FMN2: variants seen among roughly 807,000 people sequenced by gnomAD.
FMN2 encodes formin-2.
A neutral mutation model predicts 142.3 loss-of-function variants in FMN2; 51 were observed. The observed-to-expected ratio is 0.36, with a 90% CI of 0.29 to 0.45. FMN2 has a LOEUF of 0.45. FMN2 is among the 20% of genes least tolerant of loss of function. The pLI, the probability that FMN2 is intolerant of heterozygous loss-of-function variation, is 1.00. For synonymous variants in FMN2, 882 were observed against 869.8 expected, an observed-to-expected ratio of 1.01 and a Z score of -0.25; for missense variants, 1,936 against 2,122.8, an observed-to-expected ratio of 0.91 and a Z score of 1.73.
At chr1:240,319,129 C>T (rs1286122221) in intron 8 of FMN2, among the ~76,000 whole-genome samples, 1 of 151,876 alleles carries the variant, frequency 6.6e-6, no homozygotes, top group African/African-American at 2.4e-5. Context: ...TGGATGAAGA[C>T]CTGGCAGTGG....
At chr1:240,199,385 GT>G (rs1666045827) in intron 4 of FMN2, among the ~76,000 whole-genome samples, 1 of 152,080 alleles carries the variant, frequency 6.6e-6, no homozygotes. Flanking sequence ...ACATAATAAA[GT>G]TTCAAAGATG....
chr1:240,180,175 A>G, intron 3 of FMN2: 1 of 1,284,070 alleles, frequency 7.8e-7, no homozygotes, highest in Non-Finnish European at 1.0e-6. Flanking sequence ...GAAGAGGATG[A>G]TGGAGGTAAG....
chr1:240,256,584 CAA>C (rs34087707), intron 6 of FMN2, among the ~76,000 whole-genome samples: 50 of 111,402 alleles, frequency 4.5e-4, no homozygotes, highest in African/African-American at 1.3e-3. Flanking sequence ...ACTAAAAATA[CAA>C]AAAAAAAAAA....
intron 6 of FMN2, among the ~76,000 whole-genome samples, chr1:240,255,313 G>A (rs1416226509): frequency 2.0e-5 from 3 of 152,106 alleles, no homozygotes; most frequent in South Asian, 4.1e-4. Context: ...GTTTGTGGAG[G>A]AGGCGAGTAC....
At chr1:240,430,810 C>T (rs1675143832) in intron 15 of FMN2, among the ~76,000 whole-genome samples, 1 of 151,744 alleles carries the variant, frequency 6.6e-6, no homozygotes, top group Non-Finnish European at 1.5e-5. Context: ...AATCTCCTTC[C>T]AGGTCCTTAT....
intron 14 of FMN2, among the ~76,000 whole-genome samples, chr1:240,359,964 A>G (rs574469836): frequency 2.0e-5 from 3 of 152,304 alleles, no homozygotes; most frequent in African/African-American, 7.2e-5. Context: ...CTTGCTCACC[A>G]GGCATAGGTC....
At chr1:240,262,766 T>TA (rs1354242087) in intron 7 of FMN2, among the ~76,000 whole-genome samples, 3 of 148,670 alleles carry the variant, frequency 2.0e-5, no homozygotes, top group Non-Finnish European at 4.5e-5. Flanking sequence ...TTACTTTTTT[T>TA]TTTTTTTTTT....
At chr1:240,352,587 A>C (rs540018563) in intron 13 of FMN2, among the ~76,000 whole-genome samples, 1 of 152,180 alleles carries the variant, frequency 6.6e-6, no homozygotes, top group African/African-American at 2.4e-5. Context: ...TCTCAAAAAA[A>C]ATTTAAAAAA....
intron 7 of FMN2, among the ~76,000 whole-genome samples, chr1:240,267,305 T>TAA (rs199762417): frequency 1.3e-5 from 2 of 150,224 alleles, no homozygotes; most frequent in African/African-American, 4.9e-5. Flanking sequence ...GATGAAGCCA[T>TAA]AAAAAAAAAT....
intron 14 of FMN2, among the ~76,000 whole-genome samples, chr1:240,375,176 C>A (rs1487028524): frequency 1.3e-5 from 2 of 151,986 alleles, no homozygotes; most frequent in Admixed American, 1.3e-4. Context: ...TGCCCCAGAA[C>A]AATTTTAATA....
chr1:240,126,981 G>C (rs1351455747), intron 2 of FMN2, among the ~76,000 whole-genome samples: 4 of 152,108 alleles, frequency 2.6e-5, no homozygotes, highest in Non-Finnish European at 5.9e-5. Context: ...GGCCATTCCA[G>C]GCAGCTCCCA....
In FMN2 at chr1:240,474,249, A is replaced by C; in HGVS notation, c.*95A>C. 1.7e-6 allele frequency: 2 copies of C among 1,164,174 alleles called. No individual in the cohort carries two copies. The highest frequency in any genetic ancestry group is 2.4e-6 in the Non-Finnish European group (2 of 840,102). The allele number at this position is 1,164,174 out of a possible 1,614,324, so 72.1% of individuals were successfully genotyped here. A position where few individuals can be genotyped will look rare whatever the true frequency, so the allele number is the denominator to read the frequency against. The stretch of plus-strand genomic sequence containing the variant: ...GAGGGAAACTACCGTCATTCTGCTC[A>C]TGTTTCTTCTTGACCTCTTGCATAA... On this transcript the variant is annotated 3_prime_UTR_variant, in exon 18 of 18. Coordinates refer to ENST00000319653, the MANE Select transcript of FMN2 (RefSeq NM_020066.5).
At chr1:240,281,025 G>A (rs775719654) in intron 7 of FMN2, among the ~76,000 whole-genome samples, 1 of 152,006 alleles carries the variant, frequency 6.6e-6, no homozygotes, top group Non-Finnish European at 1.5e-5. Context: ...TAGACAAGAC[G>A]GCGACATACT....
intron 17 of FMN2, among the ~76,000 whole-genome samples, chr1:240,472,761 G>T (rs998084563): frequency 6.6e-6 from 1 of 151,758 alleles, no homozygotes; most frequent in Non-Finnish European, 1.5e-5. Flanking sequence ...CCTGCCCAAC[G>T]TGATGAAACC....
intron 13 of FMN2, among the ~76,000 whole-genome samples, chr1:240,349,909 T>C (rs546350840): frequency 1.6e-4 from 25 of 152,268 alleles, no homozygotes; most frequent in African/African-American, 6.0e-4. Flanking sequence ...TTTTTAATAA[T>C]GTTTCTAAAT....
At chr1:240,195,717 T>C (rs1018183860) in intron 4 of FMN2, among the ~76,000 whole-genome samples, 3 of 152,228 alleles carry the variant, frequency 2.0e-5, no homozygotes, top group Non-Finnish European at 2.9e-5. Context: ...GACTGTATCT[T>C]TTTAAATTCT....
chr1:240,446,575 T>C (rs1471012937), intron 16 of FMN2, among the ~76,000 whole-genome samples: 2 of 152,206 alleles, frequency 1.3e-5, no homozygotes, highest in African/African-American at 2.4e-5. Flanking sequence ...ATGTGGCTTA[T>C]GTGGGCCGAA....
chr1:240,298,595 A>G (rs1400592233), intron 8 of FMN2, among the ~76,000 whole-genome samples: 2 of 152,130 alleles, frequency 1.3e-5, no homozygotes, highest in African/African-American at 4.8e-5. Context: ...TTCCTGTTGG[A>G]TCTGTGGTGG....
intron 7 of FMN2, among the ~76,000 whole-genome samples, chr1:240,265,575 C>CAGGT (rs1558401435): frequency 6.8e-4 from 104 of 152,242 alleles, no homozygotes; most frequent in Admixed American, 1.8e-3. Flanking sequence ...TCTTAGACTT[C>CAGGT]CCAGCTTTCA....
Sources: allele counts gnomAD v4.1 joint callset (sites outside exome capture counted in the v4.1 genomes callset), GRCh38; gene constraint gnomAD v4.1.1; transcripts MANE v1.5; gene names NCBI Gene and HGNC (gene_info 2026-07-23, HGNC 2026-07-21).